The following NUP188 variants were observed in gnomAD, a reference collection of about 807,000 sequenced individuals.
NUP188 encodes the protein nucleoporin NUP188.
Under a neutral mutation model 223.0 loss-of-function variants are expected in NUP188, and 97 were observed. That is an observed-to-expected ratio of 0.43 (90% CI 0.37 to 0.51). NUP188 has a LOEUF of 0.51. NUP188 is among the 20% of genes least tolerant of loss of function. NUP188 has a pLI of 0.00. For synonymous variants in NUP188, 869 were observed against 828.0 expected (o/e 1.05, Z -0.85); for missense variants, 1,947 against 2,175.6 (o/e 0.89, Z 2.09).
At chr9:128,998,857 T>C (rs1458669054) in intron 32 of NUP188, among the ~76,000 whole-genome samples, 1 of 65,574 alleles carries the variant, frequency 1.5e-5, no homozygotes, top group African/African-American at 4.0e-5. Context: ...CCCCGTATTC[T>C]TTTTTTTTTT....
Position 128,980,633 on chromosome 9 carries a change from C to A in NUP188, c.1297C>A (p.Leu433Met), listed in dbSNP as rs1294830511. 6.2e-7 allele frequency: 1 copy of A among 1,614,136 alleles called. No individual in the cohort carries two copies. The highest frequency in any genetic ancestry group is 2.2e-5 in the East Asian group (1 of 44,886). Residue 433 changes from leucine to methionine, a missense_variant, in exon 14 of 44, where the codon CTG becomes ATG. Around this residue, in one of 3 missense-constraint regions of NUP188, gnomAD observed 817 missense variants for 865.8 expected, o/e 0.94. Coordinates refer to ENST00000372577, the MANE Select transcript of NUP188 (RefSeq NM_015354.3). ...TEPTSGLGII[L>M]DSVCGMFPHL... is the part of the protein sequence containing the mutation. Reference sequence around the variant, plus strand: ...GCCAACTTCTGGCCTTGGGATCATTCTGGACAGTGTGTGTGGAATGTTTCC... The same window carrying A: ...GCCAACTTCTGGCCTTGGGATCATTATGGACAGTGTGTGTGGAATGTTTCC...
chr9:128,987,808 T>TATGTCC, intron 23 of NUP188, 91 bp downstream of exon 23: 1 of 1,500,454 alleles, frequency 6.7e-7, no homozygotes, highest in Non-Finnish European at 9.1e-7. Context: ...GCAGTAGCTT[T>TATGTCC]TAGAAGACGA....
rs140415924 is a variant in NUP188 at position 129,006,312 on chromosome 9, C to T, written c.5017C>T (p.Pro1673Ser). 6.2e-6 allele frequency: 10 copies of T among 1,614,052 alleles called. No individual in the cohort carries two copies. The highest frequency in any genetic ancestry group is 1.1e-5 in the South Asian group (1 of 91,090). The change falls in exon 43 of 44, where the codon CCG becomes TCG. Residue 1673 changes from proline (P) to serine (S), a missense_variant. Pro to Ser is a moderately conservative substitution (Grantham distance 74). Around this residue, in one of 3 missense-constraint regions of NUP188, gnomAD observed 905 missense variants for 990.6 expected, o/e 0.91. Transcript: ENST00000372577. ...TCAGGCGATGCGGTACCTTAGGGAC[C>T]CGGCTGTGCACCCCCGGGACAAACA... ...ISQAMRYLRD[P>S]AVHPRDKQRM...
At chr9:128,952,722 CAAAAA>C in intron 2 of NUP188, 46 bp from the exon 3 acceptor site, 3 of 1,320,986 alleles carry the variant, frequency 2.3e-6, no homozygotes, top group South Asian at 1.2e-5. Flanking sequence ...GACTCTGTCT[CAAAAA>C]AAAAAAAAAA....
At chr9:128,952,934 T>C (rs1841814834) in intron 3 of NUP188, 88 bp downstream of exon 3, 2 of 1,064,546 alleles carry the variant, frequency 1.9e-6, no homozygotes, top group South Asian at 1.3e-5. Flanking sequence ...TTTGATGATA[T>C]TGTAGGGTTA....
intron 25 of NUP188, among the ~76,000 whole-genome samples, chr9:128,990,669 C>T (rs1317314888): frequency 6.6e-6 from 1 of 152,232 alleles, no homozygotes; most frequent in Non-Finnish European, 1.5e-5. Context: ...TCAAGACCAT[C>T]CTGGCTAATA....
At chr9:128,970,236 G>C (rs1244428317) in intron 10 of NUP188, among the ~76,000 whole-genome samples, 1 of 152,106 alleles carries the variant, frequency 6.6e-6, no homozygotes, top group Admixed American at 6.6e-5. Flanking sequence ...CCTCTACAAT[G>C]TTAAACAGTT....
At chr9:128,956,208 TGTG>T (rs1841868267) in intron 3 of NUP188, 139 bp from the exon 4 acceptor site, 1 of 470,514 alleles carries the variant, frequency 2.1e-6, no homozygotes, top group African/African-American at 2.1e-5. Context: ...TGTGTGTGTG[TGTG>T]CGTGTGTGTG....
rs767545804 is a variant in NUP188 at position 128,986,546 on chromosome 9, G to A, written c.2077-12G>A. 2.2e-5 allele frequency: 36 copies of A among 1,611,908 alleles called. 1 individual carries two copies. In the East Asian group the frequency reaches 3.8e-4, roughly 17 times the overall value. On this transcript the variant is annotated splice_polypyrimidine_tract_variant and intron_variant, in intron 20 of 43. Transcript: ENST00000372577. Reference sequence around the variant, plus strand: ...AAATGTGCGGAAGTCCTCACTGCATGGTTTCTTGTAGGGGCAACTTGGTAG... The same window carrying A: ...AAATGTGCGGAAGTCCTCACTGCATAGTTTCTTGTAGGGGCAACTTGGTAG...
intron 8 of NUP188, among the ~76,000 whole-genome samples, chr9:128,968,259 A>G (rs1395263208): frequency 6.6e-6 from 1 of 151,690 alleles, no homozygotes; most frequent in East Asian, 1.9e-4. Flanking sequence ...AAAAAAAGCA[A>G]AAAATCTGTC....
At chr9:128,983,956 G>A (rs914038736) in intron 19 of NUP188, among the ~76,000 whole-genome samples, 3 of 151,946 alleles carry the variant, frequency 2.0e-5, no homozygotes, top group Admixed American at 2.0e-4. Context: ...CGGTAGCCAG[G>A]ATTACAGATG....
At chr9:128,953,528 T>C (rs1841825484) in intron 3 of NUP188, among the ~76,000 whole-genome samples, 1 of 152,188 alleles carries the variant, frequency 6.6e-6, no homozygotes, top group Non-Finnish European at 1.5e-5. Flanking sequence ...ATTTTCATTC[T>C]CTTAGGTTAA....
At position 128,983,405 on chromosome 9, in the gene NUP188, G is replaced by A. The variant is rs773627681; in HGVS notation, c.1884+25G>A. 6 of 1,613,728 alleles carry A rather than the reference G, an allele frequency of 3.7e-6. 1 individual carries two copies. In the South Asian group the frequency reaches 6.6e-5, roughly 18 times the overall value. On this transcript the variant is annotated intron_variant, in intron 18 of 43. Coordinates refer to ENST00000372577, the MANE Select transcript of NUP188 (RefSeq NM_015354.3). ...GGTGAGATGCCAGATCTTCCCAAGA[G>A]CCAAAAATGTAGCACTTGGCACATA...
chr9:128,982,887 T>C lies in NUP188; in HGVS notation c.1670-15T>C. On this transcript the variant is annotated splice_polypyrimidine_tract_variant and intron_variant, in intron 16 of 43. Coordinates refer to ENST00000372577, the MANE Select transcript of NUP188 (RefSeq NM_015354.3). ...GGTTGTTTGCCGTGAGGTCACAGGC[T>C]GTCTTTCTTCTCAGATGTGATTCAG... 6.2e-7 allele frequency: 1 copy of C among 1,614,124 alleles called. No individual in the cohort carries two copies. The highest frequency in any genetic ancestry group is 8.5e-7 in the Non-Finnish European group (1 of 1,179,976).
chr9:128,991,050 T>C (rs1332078072), intron 25 of NUP188, among the ~76,000 whole-genome samples: 1 of 151,894 alleles, frequency 6.6e-6, no homozygotes, highest in African/African-American at 2.4e-5. Context: ...ATGCTTATTG[T>C]AAAATATTTA....
intron 5 of NUP188, 144 bp from the exon 6 acceptor site, chr9:128,957,866 T>C: frequency 1.6e-6 from 1 of 632,082 alleles, no homozygotes; most frequent in Non-Finnish European, 2.7e-6. Flanking sequence ...TGGGTACATT[T>C]GGGTAAAAAG....
intron 1 of NUP188, chr9:128,948,982 C>G (rs913525351): frequency 7.1e-6 from 3 of 423,492 alleles, no homozygotes; most frequent in African/African-American, 6.2e-5. Flanking sequence ...GCCTCGACCT[C>G]CCAAAGTGCT....
chr9:128,983,150 C>T, intron 17 of NUP188, 122 bp downstream of exon 17: 1 of 1,453,784 alleles, frequency 6.9e-7, no homozygotes, highest in Non-Finnish European at 9.5e-7. Flanking sequence ...CTTGGTTTTC[C>T]TGTTTTTATA....
At chr9:128,981,196 G>A (rs1182199298) in intron 14 of NUP188, 68 bp from the exon 15 acceptor site, 16 of 1,563,326 alleles carry the variant, frequency 1.0e-5, no homozygotes, top group Non-Finnish European at 1.4e-5. Flanking sequence ...GGTTGAAAGA[G>A]CAGACTGTGG....
Sources: allele counts gnomAD v4.1 joint callset (sites outside exome capture counted in the v4.1 genomes callset), GRCh38; gene constraint gnomAD v4.1.1; regional missense constraint gnomAD v4.1.1; transcripts MANE v1.5; gene names NCBI Gene and HGNC (gene_info 2026-07-23, HGNC 2026-07-21).